Variants in SCG5 observed in about 807,000 individuals in gnomAD.
The protein encoded by SCG5 is secretogranin V, also known as neuroendocrine protein 7B2.
A neutral mutation model predicts 25.7 loss-of-function variants in SCG5; 18 were observed. The observed-to-expected ratio is 0.70, with a 90% CI of 0.48 to 1.04. SCG5 has a LOEUF of 1.04. SCG5 is among the 50% of genes least tolerant of loss of function. The probability of loss-of-function intolerance (pLI) is 0.00; values close to 1 mark genes in which losing one functional copy is unlikely to be tolerated. For synonymous variants in SCG5, 101 were observed against 91.7 expected, an observed-to-expected ratio of 1.10 and a Z score of -0.58; for missense variants, 206 against 259.8, an observed-to-expected ratio of 0.79 and a Z score of 1.42.
At chr15:32,648,047 A>G (rs568793694) in intron 2 of SCG5, among the ~76,000 whole-genome samples, 2 of 152,104 alleles carry the variant, frequency 1.3e-5, no homozygotes, top group African/African-American at 4.8e-5. Flanking sequence ...GGCTTACACT[A>G]ATTGCTAAAT....
intron 2 of SCG5, among the ~76,000 whole-genome samples, chr15:32,653,791 A>G (rs1017939042): frequency 1.3e-5 from 2 of 152,166 alleles, no homozygotes; most frequent in African/African-American, 4.8e-5. Flanking sequence ...TGATTTAAAT[A>G]TTACTCACTT....
At chr15:32,687,743 A>G (rs1476296367) in intron 4 of SCG5, among the ~76,000 whole-genome samples, 2 of 152,198 alleles carry the variant, frequency 1.3e-5, no homozygotes, top group African/African-American at 2.4e-5. Flanking sequence ...AGTGATTCAC[A>G]TATTACACAT....
At chr15:32,687,321 C>G (rs577629660) in intron 4 of SCG5, among the ~76,000 whole-genome samples, 9 of 152,116 alleles carry the variant, frequency 5.9e-5, no homozygotes, top group African/African-American at 2.2e-4. Context: ...TATTCTTTGT[C>G]CACATTAGAG....
At chr15:32,685,973 T>C (rs1278813611) in intron 4 of SCG5, among the ~76,000 whole-genome samples, 1 of 152,224 alleles carries the variant, frequency 6.6e-6, no homozygotes, top group African/African-American at 2.4e-5. Context: ...CCTACATTGT[T>C]TTAGAGAAAT....
rs76264880 is a variant in SCG5 at position 32,647,247 on chromosome 15, A to C, written c.226+3429A>C. On this transcript the variant is annotated intron_variant, in intron 2 of 5. Transcript: ENST00000300175. ...TGTGCTACGATGAAATAATTTCTAA[A>C]CAAATCATCATCATCATCACTTTAG... Among the ~76,000 whole-genome samples, 6 of 152,304 alleles carry C rather than the reference A, an allele frequency of 3.9e-5. No homozygotes were observed. The East Asian group carries it at 1.2e-3, about 29-fold the overall frequency.
chr15:32,685,284 C>T (rs2140584871), intron 4 of SCG5, among the ~76,000 whole-genome samples: 1 of 152,292 alleles, frequency 6.6e-6, no homozygotes, highest in Non-Finnish European at 1.5e-5. Context: ...ACAAGTCTTG[C>T]CAATCTAATT....
chr15:32,660,256 T>C (rs1473157859), intron 2 of SCG5, among the ~76,000 whole-genome samples: 7 of 151,854 alleles, frequency 4.6e-5, no homozygotes, highest in Non-Finnish European at 7.4e-5. Flanking sequence ...AGGCAGGGAG[T>C]GGTCAGCTTG....
At chr15:32,662,312 A>G (rs1266651385) in intron 2 of SCG5, among the ~76,000 whole-genome samples, 1 of 152,174 alleles carries the variant, frequency 6.6e-6, no homozygotes, top group East Asian at 1.9e-4. Context: ...TTGGACTTAT[A>G]TGGCTGTGCT....
intron 2 of SCG5, among the ~76,000 whole-genome samples, chr15:32,672,417 G>C (rs1026126752): frequency 6.6e-6 from 1 of 152,260 alleles, no homozygotes; most frequent in Non-Finnish European, 1.5e-5. Context: ...AGTCTGGAGG[G>C]CAGGGGTTGT....
chr15:32,673,254 T>C (rs2054469826), intron 2 of SCG5: 1 of 152,224 alleles, frequency 6.6e-6, no homozygotes, highest in South Asian at 2.1e-4. Flanking sequence ...CTCCTTTATC[T>C]GAAACTGCAG....
chr15:32,682,812 T>A (rs1307245169), intron 3 of SCG5, among the ~76,000 whole-genome samples: 2 of 152,210 alleles, frequency 1.3e-5, no homozygotes, highest in Admixed American at 6.5e-5. Context: ...TTTCATGCCA[T>A]GCTGTCCTCT....
chr15:32,657,935 CGT>C (rs2140518958), intron 2 of SCG5, among the ~76,000 whole-genome samples: 2 of 152,190 alleles, frequency 1.3e-5, no homozygotes, highest in South Asian at 4.2e-4. Context: ...AGGAATTGAG[CGT>C]GTTTACAGAA....
Position 32,696,658 on chromosome 15 carries a change from G to C in SCG5, c.*49G>C, listed in dbSNP as rs750549737. ...CACATTACCTGTTAGGCCTCAGCAT[G>C]GCTTATGTGCACGTGTAAATGGAGT... On this transcript the variant is annotated 3_prime_UTR_variant, in exon 6 of 6. Transcript: ENST00000300175. The C allele has an allele frequency of 1.0e-5, 12 of 1,159,536 alleles. No individual in the cohort carries two copies. Among genetic ancestry groups the C allele is most frequent in the Non-Finnish European group, 1.4e-5 (11 of 776,902 alleles). 71.8% of individuals were successfully genotyped at this position (1,159,536 alleles called of 1,614,324 possible).
chr15:32,648,323 G>A (rs1209294844), intron 2 of SCG5, among the ~76,000 whole-genome samples: 3 of 152,036 alleles, frequency 2.0e-5, no homozygotes, highest in African/African-American at 7.3e-5. Flanking sequence ...ATCATGTCTG[G>A]CATGGAGTTT....
At chr15:32,647,101 G>A (rs1311227732) in intron 2 of SCG5, among the ~76,000 whole-genome samples, 1 of 152,076 alleles carries the variant, frequency 6.6e-6, no homozygotes, top group Non-Finnish European at 1.5e-5. Flanking sequence ...ATGACCTTGG[G>A]CAAGTTACTT....
chr15:32,677,256 C>A (rs10519737), intron 2 of SCG5, among the ~76,000 whole-genome samples: 37,713 of 152,094 alleles, frequency 0.25, 5,753 homozygotes, highest in Non-Finnish European at 0.35. Context: ...CGAACAACCA[C>A]TCGATGTTGC....
chr15:32,687,143 G>A (rs1440300713), intron 4 of SCG5, among the ~76,000 whole-genome samples: 3 of 152,122 alleles, frequency 2.0e-5, no homozygotes, highest in Non-Finnish European at 4.4e-5. Context: ...AGGTGGGAGG[G>A]ATGAAAACAT....
intron 2 of SCG5, among the ~76,000 whole-genome samples, chr15:32,659,810 G>A (rs1480023433): frequency 6.6e-6 from 1 of 152,116 alleles, no homozygotes; most frequent in Non-Finnish European, 1.5e-5. Flanking sequence ...TTTGCTGTGA[G>A]CTACCTAAGA....
intron 4 of SCG5, 35 bp from the exon 5 acceptor site, chr15:32,691,675 T>A (rs2054860280): frequency 6.5e-7 from 1 of 1,537,608 alleles, no homozygotes; most frequent in African/African-American, 1.4e-5. Flanking sequence ...GATCCATACT[T>A]CTGCATTTTT....
Sources: gnomAD v4.1 joint callset for allele counts (sites outside exome capture counted in the v4.1 genomes callset) on GRCh38, gnomAD v4.1.1 for gene constraint, MANE v1.5 for transcripts, NCBI Gene and HGNC (gene_info 2026-07-23, HGNC 2026-07-21) for gene names.